The following CCDC61 variants were observed in gnomAD, a reference collection of about 807,000 sequenced individuals.
CCDC61 encodes centrosomal protein CCDC61.
CCDC61 carries 55 observed loss-of-function variants against 63.0 expected under a neutral mutation model. That is an observed-to-expected ratio of 0.87 (90% CI 0.70 to 1.09). CCDC61 has a LOEUF of 1.09. Ranked by LOEUF, CCDC61 falls within the 50% of genes least tolerant of loss-of-function variation. CCDC61 has a pLI of 0.00. For missense variants in CCDC61, 651 were observed against 731.4 expected (o/e 0.89, Z 1.27); for synonymous variants, 270 against 317.0 (o/e 0.85, Z 1.58).
Position 46,017,292 on chromosome 19 carries a change from T to C in CCDC61, c.1356T>C (p.Ser452=). The change falls in exon 12 of 14, where the codon AGT becomes AGC. Residue 452 remains serine, a synonymous_variant. Coordinates refer to ENST00000595358, the MANE Select transcript of CCDC61 (RefSeq NM_001267723.2). The part of the protein sequence containing the change: ...RGKPPSPTPW[S]GSNMKSPPVE... ...AGCCTCCCAGCCCAACGCCCTGGAG[T>C]GGGTCCAATATGGTGAGTAGAAGGG... 5.8e-6 allele frequency: 9 copies of C among 1,563,056 alleles called. No individual in the cohort carries two copies. The highest frequency in any genetic ancestry group is 7.8e-6 in the Non-Finnish European group (9 of 1,153,258).
At chr19:46,000,230 G>A (rs1435955074) in intron 1 of CCDC61, among the ~76,000 whole-genome samples, 2 of 151,692 alleles carry the variant, frequency 1.3e-5, no homozygotes, top group African/African-American at 2.4e-5. Flanking sequence ...TGGGGGTGGG[G>A]TTACAAGCAA....
chr19:46,015,922 G>A lies in CCDC61; in HGVS notation c.846-132G>A, dbSNP rs1968923185. The A allele has an allele frequency of 2.7e-6, 2 of 733,778 alleles. No homozygotes were observed. Among genetic ancestry groups the A allele is most frequent in the East Asian group, 3.4e-5 (1 of 29,078 alleles). The allele number at this position is 733,778 out of a possible 1,614,324, so 45.5% of individuals were successfully genotyped here. ...GGGGGGAAGATATCGAGAGGGTCAT[G>A]GGCCCAGGAGTGCACGTCTAGGAGT... On this transcript the variant is annotated intron_variant, in intron 7 of 13. Transcript: ENST00000595358. The surrounding 1 kb of genome is among the most constrained non-coding windows in gnomAD (Gnocchi z 5.3).
At chr19:46,009,841 C>G (rs547750409) in intron 5 of CCDC61, among the ~76,000 whole-genome samples, 29 of 147,664 alleles carry the variant, frequency 2.0e-4, no homozygotes, top group African/African-American at 6.9e-4. Context: ...TGTGTGTGCG[C>G]GCGCGTTTGC....
At chr19:46,001,964 A>G (rs1968599135) in intron 1 of CCDC61, among the ~76,000 whole-genome samples, 1 of 152,046 alleles carries the variant, frequency 6.6e-6, no homozygotes, top group Non-Finnish European at 1.5e-5. Flanking sequence ...TTATTTTTTG[A>G]GATGGAGTCT....
chr19:46,015,310 G>A lies in CCDC61; in HGVS notation c.763-35G>A. The A allele has an allele frequency of 6.3e-7, 1 of 1,585,350 alleles. No individual in the cohort carries two copies. Among genetic ancestry groups the A allele is most frequent in the Non-Finnish European group, 8.5e-7 (1 of 1,173,066 alleles). The stretch of plus-strand genomic sequence containing the variant: ...CAGCGAGGCGCGGACCTCGGCCTCA[G>A]CCTGGACCTCCGCGCCCCTCTCCCC... On this transcript the variant is annotated intron_variant, in intron 6 of 13. Coordinates refer to ENST00000595358, the MANE Select transcript of CCDC61 (RefSeq NM_001267723.2). This position sits in a 1 kb window ranked among gnomAD's most constrained non-coding sequence, Gnocchi z 5.3.
chr19:46,018,184 C>T lies in CCDC61; in HGVS notation c.1441+34C>T. Reference sequence around the variant, plus strand: ...GGGACTCCACATCCCCTCTCCCAGCCCCAGGACCCGTTGGAATGGTAGTGC... The same window carrying T: ...GGGACTCCACATCCCCTCTCCCAGCTCCAGGACCCGTTGGAATGGTAGTGC... On this transcript the variant is annotated intron_variant, in intron 13 of 13. Transcript: ENST00000595358. This position sits in a 1 kb window ranked among gnomAD's most constrained non-coding sequence, Gnocchi z 4.2. 6.3e-7 allele frequency: 1 copy of T among 1,580,186 alleles called. No individual in the cohort carries two copies. The highest frequency in any genetic ancestry group is 8.6e-7 in the Non-Finnish European group (1 of 1,162,530).
rs768569379 is a variant in CCDC61 at position 46,006,634 on chromosome 19, C to T, written c.307C>T (p.Arg103Cys). Reference protein sequence around the residue: ...ESLRNRKMGGRPGSLAPRSAQ... With the variant: ...ESLRNRKMGGCPGSLAPRSAQ... ...CCTGCGGAACCGCAAGATGGGGGGC[C>T]GCCCAGGCTCCTTGGCCCCCAGGTC... Residue 103 changes from arginine to cysteine, a missense_variant, in exon 4 of 14, where the codon CGC becomes TGC. Transcript: ENST00000595358. 8 of 1,613,740 alleles carry T rather than the reference C, an allele frequency of 5.0e-6. No individual in the cohort carries two copies. Among genetic ancestry groups the T allele is most frequent in the Admixed American group, 3.3e-5 (2 of 59,984 alleles).
At chr19:46,001,872 AG>A (rs778617189) in intron 1 of CCDC61, among the ~76,000 whole-genome samples, 6 of 152,252 alleles carry the variant, frequency 3.9e-5, no homozygotes, top group Non-Finnish European at 8.8e-5. Flanking sequence ...GACTCTAAAA[AG>A]GTTAAAAATC....
chr19:46,005,651 A>G (rs1401580220), intron 3 of CCDC61, among the ~76,000 whole-genome samples: 1 of 152,062 alleles, frequency 6.6e-6, no homozygotes, highest in Admixed American at 6.5e-5. Context: ...TCTAATTTCA[A>G]GTGCAAAGCT....
rs1053444201 is a variant in CCDC61 at position 46,017,282 on chromosome 19, C to T, written c.1346C>T (p.Thr449Met). ...CGCCGTGGGAAGCCTCCCAGCCCAACGCCCTGGAGTGGGTCCAATATGGTG... is the reference window on the plus strand; with the variant it reads ...CGCCGTGGGAAGCCTCCCAGCCCAATGCCCTGGAGTGGGTCCAATATGGTG... ...HRRRGKPPSP[T>M]PWSGSNMKSP... Residue 449 changes from threonine (T) to methionine (M), a missense_variant, in exon 12 of 14, where the codon ACG (threonine) becomes ATG (methionine). Coordinates refer to ENST00000595358, the MANE Select transcript of CCDC61 (RefSeq NM_001267723.2). 4 of 1,565,776 alleles carry T rather than the reference C, an allele frequency of 2.6e-6. No individual in the cohort carries two copies. The East Asian group carries it at 7.1e-5, about 28-fold the overall frequency.
Position 46,016,218 on chromosome 19 carries a change from C to T in CCDC61, c.1010C>T (p.Pro337Leu), listed in dbSNP as rs1968931111. Reference sequence around the variant, plus strand: ...CGCCCTGCGCGCCCCTCGCCCTCGCCCACAGGTCTGTGCCCCTGCCCTGCG... The same window carrying T: ...CGCCCTGCGCGCCCCTCGCCCTCGCTCACAGGTCTGTGCCCCTGCCCTGCG... ...RGRPARPSPS[P>L]TGGRALRFDP... Residue 337 changes from proline (P) to leucine (L), a missense_variant, in exon 8 of 14, where the codon CCC becomes CTC. Physicochemically the swap from Pro to Leu is moderately conservative, Grantham distance 98. Coordinates refer to ENST00000595358, the MANE Select transcript of CCDC61 (RefSeq NM_001267723.2). This position sits in a 1 kb window ranked among gnomAD's most constrained non-coding sequence, Gnocchi z 7.2. The T allele has an allele frequency of 1.3e-6, 2 of 1,494,914 alleles. No individual in the cohort carries two copies. Among genetic ancestry groups the T allele is most frequent in the African/African-American group, 1.4e-5 (1 of 70,018 alleles). 92.6% of individuals were successfully genotyped at this position (1,494,914 alleles called of 1,614,324 possible).
intron 5 of CCDC61, among the ~76,000 whole-genome samples, chr19:46,012,262 G>A (rs544568116): frequency 2.0e-5 from 3 of 152,146 alleles, no homozygotes; most frequent in Non-Finnish European, 4.4e-5. Context: ...TTCTTGTTGT[G>A]AAAAATAATA....
intron 1 of CCDC61, chr19:45,996,310 C>G (rs192927167): frequency 6.6e-6 from 1 of 152,322 alleles, no homozygotes; most frequent in Non-Finnish European, 1.5e-5. Flanking sequence ...GGAAGTTCAT[C>G]TGACATTCAG....
At chr19:45,996,821 C>G (rs192302188) in intron 1 of CCDC61, among the ~76,000 whole-genome samples, 17 of 152,302 alleles carry the variant, frequency 1.1e-4, no homozygotes, top group African/African-American at 4.1e-4. Context: ...CCTTTGCTAC[C>G]ACTCTGGCCT....
intron 4 of CCDC61, among the ~76,000 whole-genome samples, chr19:46,007,599 A>G (rs1397910563): frequency 3.3e-5 from 5 of 152,178 alleles, no homozygotes; most frequent in African/African-American, 7.2e-5. Context: ...TAGCCTTTAT[A>G]GGGGGAGGGT....
rs1482007672 is a variant in CCDC61, at chr19:46,017,058, G to T, written c.1299G>T (p.Ser433=). ...SCSDLEDFSE[S]LSRGGHRRRG... is the part of the protein sequence containing the mutation. Reference sequence around the variant, plus strand: ...GCGATTTGGAGGATTTCTCTGAGTCGCTCTCCAGAGGGTAAAACTTGAACT... The same window carrying T: ...GCGATTTGGAGGATTTCTCTGAGTCTCTCTCCAGAGGGTAAAACTTGAACT... Residue 433 remains serine (S), a synonymous_variant, in exon 11 of 14, where the codon TCG becomes TCT. Coordinates refer to ENST00000595358, the MANE Select transcript of CCDC61 (RefSeq NM_001267723.2). The T allele has an allele frequency of 1.2e-6, 2 of 1,611,974 alleles. No individual in the cohort carries two copies. Among genetic ancestry groups the T allele is most frequent in the South Asian group, 1.1e-5 (1 of 90,448 alleles).
chr19:46,005,358 T>C (rs1287645195), intron 3 of CCDC61, among the ~76,000 whole-genome samples: 2 of 152,302 alleles, frequency 1.3e-5, no homozygotes, highest in East Asian at 3.9e-4. Flanking sequence ...GGAATCTGCA[T>C]CCTCATCAGT....
At chr19:46,013,483 A>G (rs190929538) in intron 5 of CCDC61, among the ~76,000 whole-genome samples, 45 of 152,248 alleles carry the variant, frequency 3.0e-4, no homozygotes, top group African/African-American at 1.0e-3. Flanking sequence ...CTTGTGATGA[A>G]AATCTTAGTT....
chr19:46,001,759 G>A (rs1391860244), intron 1 of CCDC61, among the ~76,000 whole-genome samples: 3 of 152,218 alleles, frequency 2.0e-5, no homozygotes, highest in Non-Finnish European at 4.4e-5. Flanking sequence ...GGCCTGGGGG[G>A]TGGTAATTTG....
Sources: gnomAD v4.1 joint callset for allele counts (sites outside exome capture counted in the v4.1 genomes callset) on GRCh38, gnomAD v4.1.1 for gene constraint, Gnocchi (gnomAD v3.1) non-coding constraint, MANE v1.5 for transcripts, NCBI Gene and HGNC (gene_info 2026-07-23, HGNC 2026-07-21) for gene names.